The following USH2A variants were observed in gnomAD, a reference collection of about 807,000 sequenced individuals.
USH2A encodes the protein Usher syndrome 2A (autosomal recessive, mild).
A neutral mutation model predicts 538.9 loss-of-function variants in USH2A; 443 were observed. That is an observed-to-expected ratio of 0.82 (90% CI 0.76 to 0.89). The LOEUF is 0.89. Ranked by LOEUF, USH2A falls within the 40% of genes least tolerant of loss-of-function variation. The pLI is 0.00. For synonymous variants in USH2A, 2,413 were observed against 2,273.5 expected, an observed-to-expected ratio of 1.06 and a Z score of -1.75; for missense variants, 6,633 against 6,324.8, an observed-to-expected ratio of 1.05 and a Z score of -1.65.
intron 35 of USH2A, among the ~76,000 whole-genome samples, chr1:215,985,237 T>C (rs1033699240): frequency 3.3e-5 from 5 of 152,226 alleles, no homozygotes; most frequent in African/African-American, 9.6e-5. Context: ...ATCAAACAGT[T>C]ATCTCTCCAA....
chr1:216,393,126 A>T (rs1337659227), intron 3 of USH2A, among the ~76,000 whole-genome samples: 1 of 152,212 alleles, frequency 6.6e-6, no homozygotes, highest in Non-Finnish European at 1.5e-5. Context: ...GTTCTTTTCA[A>T]CTTTTCACAT....
At chr1:216,100,785 T>G (rs545023322) in intron 21 of USH2A, among the ~76,000 whole-genome samples, 1 of 152,296 alleles carries the variant, frequency 6.6e-6, no homozygotes, top group Admixed American at 6.5e-5. Context: ...TACAGGAATA[T>G]TTAGACAAGA....
At chr1:216,271,216 T>C (rs1002811665) in intron 11 of USH2A, among the ~76,000 whole-genome samples, 7 of 152,054 alleles carry the variant, frequency 4.6e-5, no homozygotes, top group Non-Finnish European at 8.8e-5. Flanking sequence ...CAGTCTCACA[T>C]ACCATTACTA....
At chr1:215,666,328 T>C (rs971945049) in intron 64 of USH2A, among the ~76,000 whole-genome samples, 14 of 152,206 alleles carry the variant, frequency 9.2e-5, no homozygotes, top group Non-Finnish European at 2.1e-4. Flanking sequence ...AGACATGGAC[T>C]TTGTAGATAA....
chr1:216,203,655 T>A (rs771591476), intron 16 of USH2A, among the ~76,000 whole-genome samples: 6 of 152,182 alleles, frequency 3.9e-5, no homozygotes, highest in Non-Finnish European at 5.9e-5. Context: ...GCTAACTGAA[T>A]CATCTTACCA....
intron 30 of USH2A, among the ~76,000 whole-genome samples, chr1:216,065,659 G>A (rs4655444): frequency 0.014 from 2,142 of 152,296 alleles, 22 homozygotes; most frequent in Admixed American, 0.036. Context: ...AACTTTGGGA[G>A]GCCAAGGCTG....
chr1:216,144,748 C>A (rs1193515373), intron 21 of USH2A, among the ~76,000 whole-genome samples: 1 of 152,134 alleles, frequency 6.6e-6, no homozygotes, highest in Non-Finnish European at 1.5e-5. Context: ...CAGTTCTTCA[C>A]CTACTTATCT....
At chr1:215,942,053 G>A (rs977621090) in intron 37 of USH2A, among the ~76,000 whole-genome samples, 3 of 152,104 alleles carry the variant, frequency 2.0e-5, no homozygotes, top group Admixed American at 6.6e-5. Flanking sequence ...TGCAGTCAAG[G>A]TGTTGGCCAG....
At chr1:216,416,960 G>A (rs1247016873) in intron 3 of USH2A, among the ~76,000 whole-genome samples, 1 of 152,128 alleles carries the variant, frequency 6.6e-6, no homozygotes, top group African/African-American at 2.4e-5. Flanking sequence ...GGACTGGTCA[G>A]TGGGCAGAAT....
chr1:216,341,243 C>A (rs572584160), intron 4 of USH2A, among the ~76,000 whole-genome samples: 1 of 152,034 alleles, frequency 6.6e-6, no homozygotes, highest in Admixed American at 6.6e-5. Context: ...CTCCCATTCA[C>A]AATTGCTACA....
chr1:216,285,467 C>T (rs2036863523), intron 11 of USH2A, among the ~76,000 whole-genome samples: 1 of 152,244 alleles, frequency 6.6e-6, no homozygotes. Context: ...GATGTCCAGG[C>T]AGAGGATGTG....
At chr1:216,023,470 A>AAAAAAAAAAAAAAAAAAAAAAAG (rs1558217276) in intron 32 of USH2A, among the ~76,000 whole-genome samples, 1 of 144,876 alleles carries the variant, frequency 6.9e-6, no homozygotes, top group Non-Finnish European at 1.5e-5. Context: ...AAAAAAAAAA[A>AAAAAAAAAAAAAAAAAAAAAAAG]AAAAAAAAAA....
chr1:215,933,560 T>C (rs1307756643), intron 38 of USH2A, among the ~76,000 whole-genome samples: 1 of 151,974 alleles, frequency 6.6e-6, no homozygotes, highest in Non-Finnish European at 1.5e-5. Flanking sequence ...TAGTGTGTGG[T>C]TTTATGATAC....
intron 61 of USH2A, among the ~76,000 whole-genome samples, chr1:215,706,041 C>T (rs1162297113): frequency 6.6e-6 from 1 of 152,142 alleles, no homozygotes; most frequent in Non-Finnish European, 1.5e-5. Flanking sequence ...GAGATAGACA[C>T]TATTATGACC....
chr1:215,782,277 C>T (rs1295694759), intron 53 of USH2A, 81 bp from the exon 54 acceptor site: 27 of 1,455,316 alleles, frequency 1.9e-5, no homozygotes, highest in African/African-American at 9.8e-5. Context: ...TCTTAGTGTT[C>T]GGAAGAAATG....
At chr1:216,156,291 T>TTTTC in intron 21 of USH2A, among the ~76,000 whole-genome samples, 1 of 93,266 alleles carries the variant, frequency 1.1e-5, no homozygotes, top group Non-Finnish European at 1.9e-5. Flanking sequence ...TTTCTTTTTT[T>TTTTC]TTTCTTTTTT....
chr1:216,202,372 T>TA (rs2035018959), intron 16 of USH2A, among the ~76,000 whole-genome samples: 1 of 152,180 alleles, frequency 6.6e-6, no homozygotes, highest in Non-Finnish European at 1.5e-5. Flanking sequence ...GGGATGGAAA[T>TA]ATGCATTTGT....
intron 32 of USH2A, among the ~76,000 whole-genome samples, chr1:216,022,610 C>A (rs992726433): frequency 6.6e-5 from 10 of 152,112 alleles, no homozygotes; most frequent in Non-Finnish European, 1.5e-4. Context: ...TTAGGACTCA[C>A]TTAAGAAAGA....
In USH2A at chr1:216,421,912, G is replaced by A; in HGVS notation, c.425C>T (p.Pro142Leu). ...TAAGGTAAATGATGCCATCAGCTTT[G>A]GAGAAGGAGGAGAAGAAAAGCAGCT... ...HKSCFSSPPSPKLMASFTLAV... is the reference protein window; with the variant it reads ...HKSCFSSPPSLKLMASFTLAV... Residue 142 changes from proline (P) to leucine (L), a missense_variant, in exon 2 of 72, where the codon CCA becomes CTA. Physicochemically the swap from Pro to Leu is moderately conservative, Grantham distance 98. Transcript: ENST00000307340. The A allele has an allele frequency of 6.2e-7, 1 of 1,613,886 alleles. No individual in the cohort carries two copies. The highest frequency in any genetic ancestry group is 8.5e-7 in the Non-Finnish European group (1 of 1,179,906).
Sources: gnomAD v4.1 joint callset for allele counts (sites outside exome capture counted in the v4.1 genomes callset) on GRCh38, gnomAD v4.1.1 for gene constraint, MANE v1.5 for transcripts, NCBI Gene and HGNC (gene_info 2026-07-23, HGNC 2026-07-21) for gene names.